Variants in IGSF21 observed in about 807,000 individuals in gnomAD.
The protein encoded by IGSF21 is immunoglobulin superfamily member 21.
In IGSF21, 28 loss-of-function variants were observed where a neutral mutation model predicts 46.8. The ratio of observed to expected loss-of-function variants is 0.60; its 90% CI spans 0.44 to 0.82. The LOEUF (loss-of-function observed/expected upper bound fraction) is 0.82. Ranked by LOEUF, IGSF21 falls within the 40% of genes least tolerant of loss-of-function variation. The pLI, the probability that IGSF21 is intolerant of heterozygous loss-of-function variation, is 0.00. For missense variants in IGSF21, 624 were observed against 665.5 expected (o/e 0.94, Z 0.69); for synonymous variants, 284 against 273.6 (o/e 1.04, Z -0.38).
chr1:18,352,562 A>G (rs2085968725), intron 4 of IGSF21, among the ~76,000 whole-genome samples: 1 of 152,070 alleles, frequency 6.6e-6, no homozygotes, highest in Non-Finnish European at 1.5e-5. Flanking sequence ...TATAATACAA[A>G]TCTAGATCCA....
chr1:18,260,797 C>T (rs969954412), intron 2 of IGSF21, among the ~76,000 whole-genome samples: 28 of 152,176 alleles, frequency 1.8e-4, no homozygotes, highest in African/African-American at 6.5e-4. Flanking sequence ...TTTGGTCCAG[C>T]GTCCGAGCCC....
At position 18,365,489 on chromosome 1, in the gene IGSF21, C is replaced by G; in HGVS notation, c.807C>G (p.Val269=). Residue 269 remains valine (V), a synonymous_variant, in exon 6 of 10, where the codon GTC becomes GTG. Coordinates refer to ENST00000251296, the MANE Select transcript of IGSF21 (RefSeq NM_032880.5). This position sits in a 1 kb window ranked among gnomAD's most constrained non-coding sequence, Gnocchi z 4.8. The part of the protein sequence containing the change: ...QPTTENIPET[V]VSREFPRWVH... ...CCACAGAGAACATACCAGAGACGGT[C>G]GTGAGCCGTGAGTTTCCCCGCTGGG... 1 of 1,614,056 alleles carries G rather than the reference C, an allele frequency of 6.2e-7. No homozygotes were observed.
At chr1:18,125,509 T>A (rs1013889964) in intron 1 of IGSF21, among the ~76,000 whole-genome samples, 1 of 152,214 alleles carries the variant, frequency 6.6e-6, no homozygotes, top group Admixed American at 6.5e-5. Flanking sequence ...GAACTCTGAA[T>A]GAACTGATTA....
At position 18,136,026 on chromosome 1, in the gene IGSF21, T is replaced by C. The variant is rs554632875; in HGVS notation, c.70+27828T>C. 1.7e-4 allele frequency among the ~76,000 whole-genome samples: 26 copies of C among 152,368 alleles called. No individual in the cohort carries two copies. In the South Asian group the frequency reaches 2.1e-3, roughly 12 times the overall value. On this transcript the variant is annotated intron_variant, in intron 1 of 9. Coordinates refer to ENST00000251296, the MANE Select transcript of IGSF21 (RefSeq NM_032880.5). Reference sequence around the variant, plus strand: ...TCTGATGGCCAGTGATGATGAGCATTTTTTCATGTGTTTTTTGGCTGCATA... The same window carrying C: ...TCTGATGGCCAGTGATGATGAGCATCTTTTCATGTGTTTTTTGGCTGCATA...
At chr1:18,178,220 A>G (rs559072802) in intron 1 of IGSF21, among the ~76,000 whole-genome samples, 25 of 152,326 alleles carry the variant, frequency 1.6e-4, no homozygotes, top group African/African-American at 6.0e-4. Flanking sequence ...CCCAAAATGC[A>G]TACAGCCAGG....
chr1:18,336,603 C>T (rs2085768870), intron 4 of IGSF21, among the ~76,000 whole-genome samples: 1 of 152,186 alleles, frequency 6.6e-6, no homozygotes, highest in Admixed American at 6.5e-5. Context: ...TGCGCTAAGG[C>T]CTCAATCTAA....
Position 18,376,303 on chromosome 1 carries a change from C to T in IGSF21, c.1016-7C>T, listed in dbSNP as rs1313751728. On this transcript the variant is annotated splice_region_variant and splice_polypyrimidine_tract_variant and intron_variant, in intron 6 of 9. Transcript: ENST00000251296. ...CTCTCTCTGACCTGGCCTTTCTCTC[C>T]CTACAGTTGCCCCCAAAGGACCCAA... is the stretch of plus-strand genomic sequence containing the variant. 1.2e-6 allele frequency: 2 copies of T among 1,607,044 alleles called. No homozygotes were observed. Among genetic ancestry groups the T allele is most frequent in the South Asian group, 2.2e-5 (2 of 90,900 alleles).
At chr1:18,352,372 G>C (rs773358360) in intron 4 of IGSF21, among the ~76,000 whole-genome samples, 1 of 152,160 alleles carries the variant, frequency 6.6e-6, no homozygotes, top group African/African-American at 2.4e-5. Context: ...TAGAATCTCA[G>C]GACTTGTTAA....
chr1:18,287,009 G>T lies in IGSF21; in HGVS notation c.184-4857G>T, dbSNP rs550890356. On this transcript the variant is annotated intron_variant, in intron 2 of 9. Transcript: ENST00000251296. ...ATCCCGGCTAAAACGGTGAAACCCC[G>T]TCTCTACTAAAAATACAAAAAATTA... is the stretch of plus-strand genomic sequence containing the variant. 2.0e-5 allele frequency among the ~76,000 whole-genome samples: 3 copies of T among 151,404 alleles called. No individual in the cohort carries two copies. In the South Asian group the frequency reaches 6.3e-4, roughly 32 times the overall value.
chr1:18,322,400 C>T lies in IGSF21; in HGVS notation c.306-12492C>T, dbSNP rs1226851595. On this transcript the variant is annotated intron_variant, in intron 3 of 9. Transcript: ENST00000251296. This position sits in a 1 kb window ranked among gnomAD's most constrained non-coding sequence, Gnocchi z 4.3. ...TGGAGGCAGGCTTGGTTCCAACAGG[C>T]TTGGGGCCTTCCTGATGCCAGCTCT... Among the ~76,000 whole-genome samples, 1 of 152,098 alleles carries T rather than the reference C, an allele frequency of 6.6e-6. No homozygotes were observed. Among genetic ancestry groups the T allele is most frequent in the African/African-American group, 2.4e-5 (1 of 41,426 alleles).
chr1:18,333,731 A>T (rs2085737667), intron 3 of IGSF21, among the ~76,000 whole-genome samples: 1 of 152,184 alleles, frequency 6.6e-6, no homozygotes, highest in African/African-American at 2.4e-5. Flanking sequence ...GGGGAGACAG[A>T]GCAACATACC....
intron 1 of IGSF21, among the ~76,000 whole-genome samples, chr1:18,209,522 T>C (rs1249556006): frequency 2.6e-5 from 4 of 151,866 alleles, no homozygotes; most frequent in African/African-American, 9.7e-5. Flanking sequence ...TGGGGTGACC[T>C]TGGCTCACTG....
chr1:18,301,506 A>T (rs550990455), intron 3 of IGSF21, among the ~76,000 whole-genome samples: 3 of 152,038 alleles, frequency 2.0e-5, no homozygotes, highest in South Asian at 2.1e-4. Flanking sequence ...CACCTGGCCA[A>T]TTTTTTGTAT....
chr1:18,140,100 G>A (rs944625417), intron 1 of IGSF21, among the ~76,000 whole-genome samples: 3 of 152,064 alleles, frequency 2.0e-5, no homozygotes, highest in South Asian at 2.1e-4. Context: ...GTGCACCACC[G>A]TGCCTGGCTG....
At chr1:18,318,438 T>C (rs935499054) in intron 3 of IGSF21, among the ~76,000 whole-genome samples, 2 of 151,010 alleles carry the variant, frequency 1.3e-5, no homozygotes, top group South Asian at 2.1e-4. Flanking sequence ...TCTCCACTGA[T>C]AGGGTGCATG....
chr1:18,261,348 C>A (rs1383065856), intron 2 of IGSF21, among the ~76,000 whole-genome samples: 1 of 152,122 alleles, frequency 6.6e-6, no homozygotes, highest in Non-Finnish European at 1.5e-5. Flanking sequence ...AGGCAGGGTT[C>A]GGATGCTGGA....
chr1:18,142,236 A>G (rs566146145), intron 1 of IGSF21, among the ~76,000 whole-genome samples: 65 of 152,084 alleles, frequency 4.3e-4, no homozygotes, highest in Admixed American at 1.4e-3. Flanking sequence ...ATGAACAACT[A>G]CTCTATGACT....
intron 1 of IGSF21, among the ~76,000 whole-genome samples, chr1:18,219,804 G>A (rs963918228): frequency 1.3e-5 from 2 of 152,144 alleles, no homozygotes; most frequent in Non-Finnish European, 2.9e-5. Context: ...ACTTAGGCAC[G>A]GGCATGGAGG....
chr1:18,273,462 CTCTT>C (rs200010749), intron 2 of IGSF21, among the ~76,000 whole-genome samples: 9,359 of 61,906 alleles, frequency 0.15, 1,398 homozygotes, highest in Middle Eastern at 0.23. Flanking sequence ...TTCTTTCTCT[CTCTT>C]TCTTTCTTTC....
Sources: allele counts gnomAD v4.1 joint callset (sites outside exome capture counted in the v4.1 genomes callset), GRCh38; gene constraint gnomAD v4.1.1; non-coding constraint Gnocchi (gnomAD v3.1); transcripts MANE v1.5; gene names NCBI Gene and HGNC (gene_info 2026-07-23, HGNC 2026-07-21).